OR1F1: variants seen among roughly 807,000 people sequenced by gnomAD.
The protein encoded by OR1F1 is olfactory receptor 1F1.
For missense variants in OR1F1, 493 were observed against 376.3 expected (o/e 1.31, Z -2.57); for synonymous variants, 184 against 156.7 (o/e 1.17, Z -1.30).
upstream of OR1F1, among the ~76,000 whole-genome samples, chr16:3,203,330 C>T (rs930140158): frequency 3.9e-5 from 6 of 152,308 alleles, no homozygotes; most frequent in African/African-American, 1.4e-4. Context: ...CAGCCCAGCT[C>T]CTGATTCATG....
chr16:3,189,628 T>G, the OR1F1 span: 6 of 152,082 alleles, frequency 3.9e-5, no homozygotes, highest in African/African-American at 9.7e-5. Flanking sequence ...AATGCGTAAA[T>G]CGTGTGGCTC....
At chr16:3,196,789 C>T in the OR1F1 span, among the ~76,000 whole-genome samples, 2 of 150,002 alleles carry the variant, frequency 1.3e-5, no homozygotes, top group African/African-American at 4.9e-5. Context: ...ATCCTGGGTT[C>T]AAGCAAGTCT....
chr16:3,204,374 T>C, exon 1 of OR1F1: 1 of 1,614,116 alleles, frequency 6.2e-7, no homozygotes, highest in Non-Finnish European at 8.5e-7. Context: ...CTGGGGAACC[T>C]GCTCATCATC....
the OR1F1 span, among the ~76,000 whole-genome samples, chr16:3,197,098 A>C: frequency 6.7e-6 from 1 of 149,972 alleles, no homozygotes; most frequent in Admixed American, 6.6e-5. Context: ...CTAGTCTCGA[A>C]CTCCTGACCT....
chr16:3,192,186 A>G, the OR1F1 span, among the ~76,000 whole-genome samples: 1 of 152,172 alleles, frequency 6.6e-6, no homozygotes, highest in South Asian at 2.1e-4. Flanking sequence ...CCTCCTGAGT[A>G]GCTGGGACTA....
chr16:3,202,625 C>T (rs573532873), upstream of OR1F1, among the ~76,000 whole-genome samples: 70 of 150,142 alleles, frequency 4.7e-4, no homozygotes, highest in Non-Finnish European at 6.9e-4. Flanking sequence ...GCCTGTAGTA[C>T]CTTGCCTGGG....
the OR1F1 span, among the ~76,000 whole-genome samples, chr16:3,195,393 CGTCCATCCCA>C: frequency 6.6e-6 from 1 of 151,484 alleles, no homozygotes; most frequent in African/African-American, 2.4e-5. Flanking sequence ...CAAATGCGGG[CGTCCATCCCA>C]GTGAGAAAGG....
chr16:3,199,299 C>T (rs751124046), upstream of OR1F1, among the ~76,000 whole-genome samples: 3 of 151,220 alleles, frequency 2.0e-5, no homozygotes, highest in Non-Finnish European at 4.4e-5. Flanking sequence ...GGAGACCCTA[C>T]CTGAAATAAT....
downstream of OR1F1, among the ~76,000 whole-genome samples, chr16:3,205,394 C>A (rs897638671): frequency 2.0e-5 from 3 of 152,254 alleles, no homozygotes; most frequent in East Asian, 5.8e-4. Context: ...TGGCTCACTG[C>A]ACCCTCCATC....
the OR1F1 span, among the ~76,000 whole-genome samples, chr16:3,194,390 GA>G: frequency 6.6e-6 from 1 of 152,190 alleles, no homozygotes; most frequent in Non-Finnish European, 1.5e-5. Context: ...TATGTACAAG[GA>G]TGTTTTATTG....
chr16:3,194,000 C>T, the OR1F1 span, among the ~76,000 whole-genome samples: 47 of 152,136 alleles, frequency 3.1e-4, 2 homozygotes, highest in African/African-American at 1.1e-3. Flanking sequence ...AAGACAACAC[C>T]GACCGTAGGT....
chr16:3,190,465 A>AGGAGGCAG, the OR1F1 span, among the ~76,000 whole-genome samples: 1 of 152,200 alleles, frequency 6.6e-6, no homozygotes, highest in African/African-American at 2.4e-5. Context: ...ACCCAGCACA[A>AGGAGGCAG]GGAGGCAGGG....
At chr16:3,193,418 A>C in the OR1F1 span, among the ~76,000 whole-genome samples, 4 of 152,236 alleles carry the variant, frequency 2.6e-5, no homozygotes, top group Non-Finnish European at 5.9e-5. Context: ...CTGGAGGATC[A>C]GACGAGTCGG....
At chr16:3,202,774 A>G (rs1457026886), upstream of OR1F1, among the ~76,000 whole-genome samples, 3 of 151,842 alleles carry the variant, frequency 2.0e-5, no homozygotes, top group Non-Finnish European at 2.9e-5. Context: ...TGAGGTTAAG[A>G]GTCACGAGAT....
chr16:3,193,183 C>T, the OR1F1 span, among the ~76,000 whole-genome samples: 1 of 152,168 alleles, frequency 6.6e-6, no homozygotes, highest in Non-Finnish European at 1.5e-5. Context: ...GCCTTGGCCT[C>T]CCAAAGTGCT....
the OR1F1 span, among the ~76,000 whole-genome samples, chr16:3,195,283 AG>A: frequency 1.3e-5 from 2 of 152,256 alleles, no homozygotes; most frequent in African/African-American, 4.8e-5. Flanking sequence ...TATTAAAAAA[AG>A]AAAAGAAAAG....
chr16:3,194,790 T>C, the OR1F1 span, among the ~76,000 whole-genome samples: 1 of 152,190 alleles, frequency 6.6e-6, no homozygotes, highest in African/African-American at 2.4e-5. Flanking sequence ...GGACTTAATG[T>C]GGTTTATGAT....
At chr16:3,205,794 G>A (rs987300836), downstream of OR1F1, among the ~76,000 whole-genome samples, 6 of 151,802 alleles carry the variant, frequency 4.0e-5, no homozygotes, top group South Asian at 2.1e-4. Flanking sequence ...TGTTATCTTC[G>A]TAAGCTGACG....
chr16:3,190,938 T>C, the OR1F1 span, among the ~76,000 whole-genome samples: 1 of 152,146 alleles, frequency 6.6e-6, no homozygotes, highest in Non-Finnish European at 1.5e-5. Context: ...ATGCTCTCCT[T>C]TGAACCTTCT....
Sources: gnomAD v4.1 joint callset for allele counts (sites outside exome capture counted in the v4.1 genomes callset) on GRCh38, gnomAD v4.1.1 for gene constraint, MANE v1.5 for transcripts, NCBI Gene and HGNC (gene_info 2026-07-23, HGNC 2026-07-21) for gene names.